Variants in ASIC2 observed in about 807,000 individuals in gnomAD.
ASIC2 encodes the protein acid-sensing ion channel 2.
Under a neutral mutation model 57.3 loss-of-function variants are expected in ASIC2, and 25 were observed. The ratio of observed to expected loss-of-function variants is 0.44; its 90% CI spans 0.32 to 0.61. The LOEUF (loss-of-function observed/expected upper bound fraction) is 0.61. ASIC2 is among the 20% of genes least tolerant of loss of function. The pLI, the probability that ASIC2 is intolerant of heterozygous loss-of-function variation, is 0.06. For synonymous variants in ASIC2, 319 were observed against 307.5 expected (o/e 1.04, Z -0.39); for missense variants, 641 against 738.1 (o/e 0.87, Z 1.52).
chr17:33,084,999 T>C (rs1461194101), intron 3 of ASIC2, among the ~76,000 whole-genome samples: 2 of 152,236 alleles, frequency 1.3e-5, no homozygotes, highest in African/African-American at 4.8e-5. Context: ...TGTGTAATTA[T>C]GCATGGGTGA....
chr17:33,502,233 T>G (rs985463022), intron 1 of ASIC2, among the ~76,000 whole-genome samples: 1 of 152,220 alleles, frequency 6.6e-6, no homozygotes, highest in South Asian at 2.1e-4. Flanking sequence ...GAAACAGGAC[T>G]GAACTCCCAC....
chr17:33,412,493 C>T (rs1304626668), intron 1 of ASIC2, among the ~76,000 whole-genome samples: 1 of 152,208 alleles, frequency 6.6e-6, no homozygotes, highest in Non-Finnish European at 1.5e-5. Flanking sequence ...TTAATCTTCC[C>T]TTGCAGAGAG....
At chr17:33,057,240 C>T (rs1461127686) in intron 3 of ASIC2, among the ~76,000 whole-genome samples, 6 of 152,246 alleles carry the variant, frequency 3.9e-5, no homozygotes, top group East Asian at 1.9e-4. Flanking sequence ...ACCTGCTTCC[C>T]GGCTGCCTCT....
intron 5 of ASIC2, 47 bp from the exon 6 acceptor site, chr17:33,024,061 A>C: frequency 6.2e-7 from 1 of 1,610,504 alleles, no homozygotes; most frequent in Non-Finnish European, 8.5e-7. Flanking sequence ...GGGCACTGGG[A>C]TTTCTAAGGG....
At chr17:33,498,341 G>A (rs537163088) in intron 1 of ASIC2, among the ~76,000 whole-genome samples, 2 of 152,362 alleles carry the variant, frequency 1.3e-5, no homozygotes, top group South Asian at 2.1e-4. Context: ...CATCAAAACA[G>A]TTCAGAACAA....
At chr17:33,291,295 G>A (rs1206100960) in intron 1 of ASIC2, 113 bp downstream of exon 1, 48 of 1,442,982 alleles carry the variant, frequency 3.3e-5, no homozygotes, top group Non-Finnish European at 4.3e-5. Flanking sequence ...GCATCGTGGA[G>A]TGGTAACACT....
intron 1 of ASIC2, among the ~76,000 whole-genome samples, chr17:33,511,715 A>G (rs1914436983): frequency 6.6e-6 from 1 of 152,162 alleles, no homozygotes; most frequent in Non-Finnish European, 1.5e-5. Flanking sequence ...CTCCAATCCC[A>G]TTGCACAAGC....
intron 1 of ASIC2, among the ~76,000 whole-genome samples, chr17:33,271,468 C>T (rs546133768): frequency 6.6e-6 from 1 of 152,126 alleles, no homozygotes; most frequent in East Asian, 1.9e-4. Context: ...TTGAATTCGC[C>T]TCCCACCTCT....
chr17:33,594,279 T>C (rs1904913435), intron 1 of ASIC2, among the ~76,000 whole-genome samples: 1 of 152,256 alleles, frequency 6.6e-6, no homozygotes, highest in African/African-American at 2.4e-5. Context: ...CAGAGCTGTC[T>C]CTGGTTTGCT....
At chr17:33,278,295 C>A (rs2142165378) in intron 1 of ASIC2, among the ~76,000 whole-genome samples, 1 of 152,050 alleles carries the variant, frequency 6.6e-6, no homozygotes, top group South Asian at 2.1e-4. Flanking sequence ...CTTTACCCCC[C>A]AACATACAAT....
At position 33,816,136 on chromosome 17, in the gene ASIC2, T is replaced by C. The variant is rs1384436265; in HGVS notation, c.555+339842A>G. On this transcript the variant is annotated intron_variant, in intron 1 of 9. Coordinates refer to the ASIC2 transcript ENST00000359872. ...GGAGACTTCCAGAGCAGGTGACACA[T>C]GAGTTGTTTCCTGAGTAGGAGCTCA... Among the ~76,000 whole-genome samples, 3 of 124,998 alleles carry C rather than the reference T, an allele frequency of 2.4e-5. No individual in the cohort carries two copies. The East Asian group carries it at 7.0e-4, about 29-fold the overall frequency. 82.0% of individuals were successfully genotyped at this position (124,998 alleles called of 152,430 possible). A position where few individuals can be genotyped will look rare whatever the true frequency, so the allele number is the denominator to read the frequency against.
At chr17:33,032,453 T>G (rs991212607) in intron 3 of ASIC2, among the ~76,000 whole-genome samples, 1 of 143,066 alleles carries the variant, frequency 7.0e-6, no homozygotes, top group Non-Finnish European at 1.5e-5. Flanking sequence ...TTTTTTTTTT[T>G]TTTTTTTTTT....
At chr17:33,447,172 G>A (rs1912055028) in intron 1 of ASIC2, among the ~76,000 whole-genome samples, 1 of 152,186 alleles carries the variant, frequency 6.6e-6, no homozygotes, top group Non-Finnish European at 1.5e-5. Context: ...CCGGGATCCG[G>A]GAAATGTTGA....
Position 33,233,966 on chromosome 17 carries a change from G to T in ASIC2, c.708+57442C>A, listed in dbSNP as rs548518386. Reference sequence around the variant, plus strand: ...TGCTGTATTGTAAAAGGGAAAGTAGGTCATGGCCACAGGCTGTCAGTCCTC... The same window carrying T: ...TGCTGTATTGTAAAAGGGAAAGTAGTTCATGGCCACAGGCTGTCAGTCCTC... On this transcript the variant is annotated intron_variant, in intron 1 of 9. Transcript: ENST00000225823. 2.7e-4 allele frequency among the ~76,000 whole-genome samples: 41 copies of T among 152,336 alleles called. 1 individual carries two copies. Among genetic ancestry groups the T allele is most frequent in the African/African-American group, 9.4e-4 (39 of 41,566 alleles).
chr17:33,022,245 C>T (rs1169880751), intron 6 of ASIC2, among the ~76,000 whole-genome samples: 6 of 152,268 alleles, frequency 3.9e-5, no homozygotes, highest in South Asian at 2.1e-4. Flanking sequence ...TCTTCTCTAT[C>T]GCCGCCTGAA....
At chr17:34,065,417 C>T (rs757116583) in intron 1 of ASIC2, among the ~76,000 whole-genome samples, 8 of 151,948 alleles carry the variant, frequency 5.3e-5, no homozygotes, top group African/African-American at 1.2e-4. Context: ...GTATACTGCT[C>T]GGGTGATATG....
At chr17:33,821,334 T>C (rs1475332925) in intron 1 of ASIC2, among the ~76,000 whole-genome samples, 1 of 152,192 alleles carries the variant, frequency 6.6e-6, no homozygotes, top group Admixed American at 6.5e-5. Context: ...ACATATTTCC[T>C]TCGAGCTCTA....
At chr17:33,799,408 T>TTTCTTTCTTTCTTTC (rs1912034209) in intron 1 of ASIC2, among the ~76,000 whole-genome samples, 10 of 63,112 alleles carry the variant, frequency 1.6e-4, no homozygotes, top group Non-Finnish European at 2.4e-4. Context: ...CTTTCTTTTC[T>TTTCTTTCTTTCTTTC]TTCTTTCTTT....
intron 3 of ASIC2, among the ~76,000 whole-genome samples, chr17:33,035,759 C>G (rs1414808445): frequency 1.3e-5 from 2 of 152,174 alleles, no homozygotes; most frequent in Non-Finnish European, 2.9e-5. Flanking sequence ...CTGTTGTCAT[C>G]CCCCTGGGCT....
Sources: allele counts gnomAD v4.1 joint callset (sites outside exome capture counted in the v4.1 genomes callset), GRCh38; gene constraint gnomAD v4.1.1; transcripts MANE v1.5; gene names NCBI Gene and HGNC (gene_info 2026-07-23, HGNC 2026-07-21).